The following CSGALNACT1 variants were observed in gnomAD, a reference collection of about 807,000 sequenced individuals.
CSGALNACT1 encodes beta4GalNAcT-1.
CSGALNACT1 carries 52 observed loss-of-function variants against 51.0 expected under a neutral mutation model. The ratio of observed to expected loss-of-function variants is 1.02; its 90% CI spans 0.82 to 1.29. The LOEUF (loss-of-function observed/expected upper bound fraction) is 1.29. Among genes scored for constraint, CSGALNACT1 ranks in the 50% most tolerant of loss-of-function variants. The pLI, the probability that CSGALNACT1 is intolerant of heterozygous loss-of-function variation, is 0.00. For missense variants in CSGALNACT1, 935 were observed against 679.2 expected (o/e 1.38, Z -4.19); for synonymous variants, 341 against 254.4 (o/e 1.34, Z -3.24).
At chr8:19,680,350 G>A (rs1035898382) in intron 1 of CSGALNACT1, among the ~76,000 whole-genome samples, 1 of 152,212 alleles carries the variant, frequency 6.6e-6, no homozygotes, top group African/African-American at 2.4e-5. Context: ...GAGGTCAGAA[G>A]TTCAAGACCA....
chr8:19,692,260 A>G (rs2061370471), intron 1 of CSGALNACT1, among the ~76,000 whole-genome samples: 1 of 152,254 alleles, frequency 6.6e-6, no homozygotes, highest in Middle Eastern at 3.4e-3. Flanking sequence ...CACCTACTAA[A>G]ACAAAAATGG....
At chr8:19,645,633 C>T (rs575225603) in intron 1 of CSGALNACT1, among the ~76,000 whole-genome samples, 18 of 152,326 alleles carry the variant, frequency 1.2e-4, no homozygotes, top group Admixed American at 7.8e-4. Flanking sequence ...TGCCTACCAA[C>T]GAATGGAAGC....
intron 2 of CSGALNACT1, among the ~76,000 whole-genome samples, chr8:19,597,230 G>A (rs1007013899): frequency 5.4e-5 from 8 of 148,566 alleles, no homozygotes; most frequent in Non-Finnish European, 8.9e-5. Flanking sequence ...ACTGCATTTC[G>A]TGTATCCATT....
intron 1 of CSGALNACT1, among the ~76,000 whole-genome samples, chr8:19,640,216 C>A (rs531002055): frequency 9.7e-4 from 148 of 152,332 alleles, no homozygotes; most frequent in Admixed American, 1.7e-3. Flanking sequence ...GCCAGCCACA[C>A]ATCAGTGTAA....
chr8:19,601,923 G>A (rs1438646544), intron 1 of CSGALNACT1, 58 bp from the exon 2 acceptor site: 1 of 451,294 alleles, frequency 2.2e-6, no homozygotes, highest in Non-Finnish European at 4.4e-6. Context: ...TTAAATGTAT[G>A]TGGTATTACA....
At chr8:19,752,428 C>T (rs369928409) in intron 1 of CSGALNACT1, among the ~76,000 whole-genome samples, 2 of 152,106 alleles carry the variant, frequency 1.3e-5, no homozygotes, top group South Asian at 4.1e-4. Context: ...GCCCTGTGTA[C>T]GTATGTTGAC....
intron 3 of CSGALNACT1, among the ~76,000 whole-genome samples, chr8:19,588,411 C>T (rs1041186184): frequency 1.1e-3 from 162 of 152,204 alleles, no homozygotes; most frequent in African/African-American, 3.6e-3. Context: ...TATTTGATTC[C>T]AAGTAACTTG....
chr8:19,510,769 G>T (rs1231114029), intron 3 of CSGALNACT1, among the ~76,000 whole-genome samples: 1 of 152,182 alleles, frequency 6.6e-6, no homozygotes, highest in African/African-American at 2.4e-5. Context: ...AATGTTATGT[G>T]TCATCAATAT....
At chr8:19,652,672 G>C (rs1225278747) in intron 1 of CSGALNACT1, among the ~76,000 whole-genome samples, 1 of 152,094 alleles carries the variant, frequency 6.6e-6, no homozygotes, top group East Asian at 1.9e-4. Flanking sequence ...AGTAGACTTT[G>C]GGAAACAGCA....
At chr8:19,675,972 GA>G (rs1203791365) in intron 1 of CSGALNACT1, among the ~76,000 whole-genome samples, 1 of 151,838 alleles carries the variant, frequency 6.6e-6, no homozygotes, top group African/African-American at 2.4e-5. Flanking sequence ...ACCCAAAGTG[GA>G]AAGCCAGGGC....
chr8:19,499,730 C>T (rs746053050), intron 4 of CSGALNACT1, among the ~76,000 whole-genome samples: 11 of 152,258 alleles, frequency 7.2e-5, no homozygotes, highest in Non-Finnish European at 1.3e-4. Context: ...CCCTCCACCT[C>T]GGAGGTAGGA....
At chr8:19,658,715 CAA>C (rs1304475392) in intron 1 of CSGALNACT1, among the ~76,000 whole-genome samples, 1 of 152,048 alleles carries the variant, frequency 6.6e-6, no homozygotes, top group East Asian at 1.9e-4. Context: ...GCCTGGGTGA[CAA>C]AGCAAGGCCC....
At chr8:19,685,545 A>G (rs568196924), upstream of CSGALNACT1, among the ~76,000 whole-genome samples, 1 of 152,322 alleles carries the variant, frequency 6.6e-6, no homozygotes, top group South Asian at 2.1e-4. Flanking sequence ...GGATGCTCCT[A>G]ATTAGCATTA....
rs558310288 is a variant in CSGALNACT1 at position 19,421,734 on chromosome 8, G to C, written c.954-1216C>G. Among the ~76,000 whole-genome samples, 9 of 152,366 alleles carry C rather than the reference G, an allele frequency of 5.9e-5. No individual in the cohort carries two copies. The South Asian group carries it at 1.9e-3, about 32-fold the overall frequency. The stretch of plus-strand genomic sequence containing the variant: ...CTAAGTTGTATTTGTATCTGGAATT[G>C]AATCAGTAAAACTAGTTCTGCGACT... On this transcript the variant is annotated intron_variant, in intron 6 of 9. Transcript: ENST00000454498.
intron 5 of CSGALNACT1, among the ~76,000 whole-genome samples, chr8:19,440,220 G>C (rs949966107): frequency 6.6e-6 from 1 of 152,226 alleles, no homozygotes; most frequent in African/African-American, 2.4e-5. Context: ...GGCCTAGACA[G>C]TGTCATGGAA....
chr8:19,571,576 A>G (rs1229526188), intron 3 of CSGALNACT1, among the ~76,000 whole-genome samples: 2 of 152,208 alleles, frequency 1.3e-5, no homozygotes, highest in Non-Finnish European at 2.9e-5. Context: ...GGATCTACAC[A>G]TATTTTAAGT....
intron 6 of CSGALNACT1, among the ~76,000 whole-genome samples, chr8:19,434,289 T>C (rs978219784): frequency 6.6e-6 from 1 of 152,186 alleles, no homozygotes; most frequent in Non-Finnish European, 1.5e-5. Context: ...TCATAATATA[T>C]TTTCCCCACA....
At chr8:19,740,946 G>A (rs1435720761) in intron 1 of CSGALNACT1, among the ~76,000 whole-genome samples, 2 of 152,138 alleles carry the variant, frequency 1.3e-5, no homozygotes, top group Non-Finnish European at 2.9e-5. Context: ...AGCAAAAGAA[G>A]AGACACAAGA....
At position 19,474,044 on chromosome 8, in the gene CSGALNACT1, T is replaced by C. The variant is rs1057099441; in HGVS notation, c.635-15402A>G. On this transcript the variant is annotated intron_variant, in intron 4 of 9. Transcript: ENST00000454498. ...TCATTTATCTCAAACTGGTACATTG[T>C]AAGCCTTTAGTAAATCTTAGTAAAA... is the stretch of plus-strand genomic sequence containing the variant. Among the ~76,000 whole-genome samples, 3 of 152,352 alleles carry C rather than the reference T, an allele frequency of 2.0e-5. No homozygotes were observed. In the South Asian group the frequency reaches 6.2e-4, roughly 32 times the overall value.
Sources: gnomAD v4.1 joint callset for allele counts (sites outside exome capture counted in the v4.1 genomes callset) on GRCh38, gnomAD v4.1.1 for gene constraint, MANE v1.5 for transcripts, NCBI Gene and HGNC (gene_info 2026-07-23, HGNC 2026-07-21) for gene names.